The following PRKAR1B variants were observed in gnomAD, a reference collection of about 807,000 sequenced individuals.
The protein encoded by PRKAR1B is cAMP-dependent protein kinase type I-beta regulatory subunit.
Under a neutral mutation model 46.5 loss-of-function variants are expected in PRKAR1B, and 22 were observed. The ratio of observed to expected loss-of-function variants is 0.47; its 90% CI spans 0.34 to 0.68. The LOEUF is 0.68. PRKAR1B is among the 30% of genes least tolerant of loss of function. The probability of loss-of-function intolerance (pLI) is 0.01; values close to 1 mark genes in which losing one functional copy is unlikely to be tolerated. For missense variants in PRKAR1B, 445 were observed against 535.6 expected, an observed-to-expected ratio of 0.83 and a Z score of 1.67; for synonymous variants, 259 against 217.7, an observed-to-expected ratio of 1.19 and a Z score of -1.67.
chr7:620,305 C>T (rs1783044891), intron 4 of PRKAR1B, among the ~76,000 whole-genome samples: 1 of 152,208 alleles, frequency 6.6e-6, no homozygotes, highest in South Asian at 2.1e-4. Context: ...TCTCCCTATT[C>T]AGATCGTGTT....
intron 4 of PRKAR1B, among the ~76,000 whole-genome samples, chr7:676,020 G>C (rs879609078): frequency 6.1e-5 from 9 of 146,892 alleles, no homozygotes; most frequent in Non-Finnish European, 1.2e-4. Flanking sequence ...CATAGAAATT[G>C]ACAGCACAAG....
intron 8 of PRKAR1B, among the ~76,000 whole-genome samples, chr7:583,812 GCA>G (rs566553143): frequency 8.1e-4 from 119 of 146,706 alleles, no homozygotes; most frequent in Middle Eastern, 8.1e-3. Context: ...GCACACTCAT[GCA>G]CACACACGCA....
intron 4 of PRKAR1B, among the ~76,000 whole-genome samples, chr7:652,588 G>C (rs1383213159): frequency 6.6e-6 from 1 of 152,260 alleles, no homozygotes; most frequent in African/African-American, 2.4e-5. Flanking sequence ...CCTCTTGGAA[G>C]ACAGTTCACG....
At chr7:634,691 G>A (rs1045230138) in intron 4 of PRKAR1B, among the ~76,000 whole-genome samples, 12 of 151,408 alleles carry the variant, frequency 7.9e-5, no homozygotes, top group Middle Eastern at 3.4e-3. Flanking sequence ...CCAGGCTAGA[G>A]TGCAATGGAG....
rs554972968 is a variant in PRKAR1B at position 610,687 on chromosome 7, A to G, written c.441-3235T>C. On this transcript the variant is annotated intron_variant, in intron 4 of 10. Coordinates refer to ENST00000537384, the MANE Select transcript of PRKAR1B (RefSeq NM_001164760.2). ...CCGCACGGCTTCACCCTCTTTTTCC[A>G]CTGTCTGCCCCTTTCACACAAAACC... Among the ~76,000 whole-genome samples the G allele has an allele frequency of 2.0e-5, 3 of 151,888 alleles. No homozygotes were observed. In the East Asian group the frequency reaches 5.8e-4, roughly 29 times the overall value.
intron 7 of PRKAR1B, among the ~76,000 whole-genome samples, chr7:584,825 C>T (rs1780507001): frequency 6.6e-6 from 1 of 152,134 alleles, no homozygotes; most frequent in Non-Finnish European, 1.5e-5. Context: ...CAGCAGAGTT[C>T]CCCACCCAGC....
intron 9 of PRKAR1B, among the ~76,000 whole-genome samples, chr7:577,101 C>T (rs978531939): frequency 6.0e-5 from 9 of 150,834 alleles, no homozygotes; most frequent in Admixed American, 1.3e-4. Flanking sequence ...ACTCCATCAA[C>T]GGCCTCGTCC....
At chr7:605,234 C>T (rs756043352) in intron 6 of PRKAR1B, among the ~76,000 whole-genome samples, 98 of 152,356 alleles carry the variant, frequency 6.4e-4, no homozygotes, top group Non-Finnish European at 1.1e-3. Context: ...CACTGAGGTC[C>T]TTCCCGCTGA....
Position 711,570 on chromosome 7 carries a change from G to C in PRKAR1B, c.-22-43C>G, listed in dbSNP as rs567651621. The C allele has an allele frequency of 9.6e-6, 15 of 1,560,828 alleles. No homozygotes were observed. The East Asian group carries it at 2.7e-4, about 28-fold the overall frequency. ...AGATCCCCAGGCCTGAGAGCTGCCC[G>C]GGGCTGCGCGCCGGATAAACGCAGG... On this transcript the variant is annotated intron_variant, in intron 1 of 10. Transcript: ENST00000537384.
chr7:692,066 G>A lies in PRKAR1B; in HGVS notation c.178-11340C>T, dbSNP rs115353507. Among the ~76,000 whole-genome samples the A allele has an allele frequency of 5.8e-3, 876 of 152,206 alleles. 8 individuals are homozygous for A. The highest frequency in any genetic ancestry group is 0.02 in the African/African-American group (826 of 41,528). ...CCGCTCTTAGGGAAATCATCACATCGTCATCCACTGCTCCTACACAAACCA... is the reference window on the plus strand; with the variant it reads ...CCGCTCTTAGGGAAATCATCACATCATCATCCACTGCTCCTACACAAACCA... On this transcript the variant is annotated intron_variant, in intron 2 of 10. Coordinates refer to ENST00000537384, the MANE Select transcript of PRKAR1B (RefSeq NM_001164760.2).
chr7:694,968 G>A (rs188124884), intron 2 of PRKAR1B, among the ~76,000 whole-genome samples: 47 of 151,616 alleles, frequency 3.1e-4, no homozygotes, highest in African/African-American at 1.0e-3. Context: ...CCCAGGAGGC[G>A]GAAGTTGCAG....
upstream of PRKAR1B, chr7:727,527 C>T (rs531915686): frequency 6.6e-6 from 2 of 303,676 alleles, no homozygotes; most frequent in South Asian, 3.1e-4. Context: ...ACTGCTTCCC[C>T]TGCCTCACGT....
intron 4 of PRKAR1B, among the ~76,000 whole-genome samples, chr7:633,044 G>A (rs1783855654): frequency 1.3e-5 from 2 of 152,246 alleles, no homozygotes; most frequent in African/African-American, 4.8e-5. Flanking sequence ...GAGTCATGTC[G>A]TGCCGACGCC....
chr7:632,910 AC>A (rs1783840588), intron 4 of PRKAR1B, among the ~76,000 whole-genome samples: 1 of 152,202 alleles, frequency 6.6e-6, no homozygotes, highest in Non-Finnish European at 1.5e-5. Flanking sequence ...GCCTGGGGCC[AC>A]ACAGTGCCTG....
intron 6 of PRKAR1B, among the ~76,000 whole-genome samples, chr7:596,529 T>C (rs1000423660): frequency 3.3e-5 from 5 of 152,230 alleles, no homozygotes; most frequent in African/African-American, 1.2e-4. Flanking sequence ...TGGGACAGCA[T>C]CAGACCTCCA....
intron 4 of PRKAR1B, among the ~76,000 whole-genome samples, chr7:640,622 G>A (rs1332802732): frequency 6.6e-6 from 1 of 152,050 alleles, no homozygotes; most frequent in Non-Finnish European, 1.5e-5. Flanking sequence ...AATTAGCCGG[G>A]TGTGGTGGCA....
intron 4 of PRKAR1B, among the ~76,000 whole-genome samples, chr7:617,994 G>C (rs1482544942): frequency 5.3e-5 from 8 of 152,092 alleles, no homozygotes; most frequent in Admixed American, 5.2e-4. Flanking sequence ...GGGAAGCAGA[G>C]GCCCCACCCA....
At chr7:601,883 G>A (rs375155667) in intron 6 of PRKAR1B, among the ~76,000 whole-genome samples, 11 of 151,964 alleles carry the variant, frequency 7.2e-5, no homozygotes, top group South Asian at 2.1e-4. Context: ...TGCCTGACCC[G>A]GGGGGGCTGG....
chr7:647,191 C>T (rs1040176766), intron 4 of PRKAR1B, among the ~76,000 whole-genome samples: 2 of 152,144 alleles, frequency 1.3e-5, no homozygotes, highest in African/African-American at 4.8e-5. Context: ...GTTGGGGGCA[C>T]CAGCAACCCC....
Sources: gnomAD v4.1 joint callset for allele counts (sites outside exome capture counted in the v4.1 genomes callset) on GRCh38, gnomAD v4.1.1 for gene constraint, MANE v1.5 for transcripts, NCBI Gene and HGNC (gene_info 2026-07-23, HGNC 2026-07-21) for gene names.